TMCC1: variants seen among roughly 807,000 people sequenced by gnomAD.
TMCC1 encodes the protein transmembrane and coiled-coil domain family 1, also known as transmembrane and coiled-coil domains protein 1.
TMCC1 carries 15 observed loss-of-function variants against 52.4 expected under a neutral mutation model. The observed-to-expected ratio is 0.29, with a 90% CI of 0.19 to 0.44. The LOEUF (loss-of-function observed/expected upper bound fraction) is 0.44. TMCC1 is among the 20% of genes least tolerant of loss of function. The pLI, the probability that TMCC1 is intolerant of heterozygous loss-of-function variation, is 1.00. For missense variants in TMCC1, 503 were observed against 806.0 expected (o/e 0.62, Z 4.55); for synonymous variants, 279 against 301.9 (o/e 0.92, Z 0.79).
intron 4 of TMCC1, among the ~76,000 whole-genome samples, chr3:129,764,663 T>G (rs1051643863): frequency 6.6e-6 from 1 of 150,932 alleles, no homozygotes; most frequent in Non-Finnish European, 1.5e-5. Flanking sequence ...TATTCCTAAC[T>G]GTCAAATCAT....
intron 2 of TMCC1, among the ~76,000 whole-genome samples, chr3:129,853,346 T>C (rs189381080): frequency 1.0e-3 from 156 of 152,216 alleles, no homozygotes; most frequent in African/African-American, 3.3e-3. Flanking sequence ...ATAAAATGGC[T>C]GGGGATGATG....
In TMCC1 at chr3:129,658,651, GA is replaced by G. The variant is rs534906101; in HGVS notation, c.1512-3549del. Among the ~76,000 whole-genome samples the G allele has an allele frequency of 3.6e-4, 55 of 152,302 alleles. 1 individual carries two copies. The South Asian group carries it at 9.3e-3, about 26-fold the overall frequency. On this transcript the variant is annotated intron_variant, in intron 5 of 6. Coordinates refer to ENST00000393238, the MANE Select transcript of TMCC1 (RefSeq NM_001017395.5). ...GCATGCTTATCTTTACAAATAACAT[GA>G]GGCAAGAAAGAGGTGAAACAGCAGA...
chr3:129,883,475 A>G (rs1453894080), intron 1 of TMCC1, among the ~76,000 whole-genome samples: 1 of 152,166 alleles, frequency 6.6e-6, no homozygotes, highest in Non-Finnish European at 1.5e-5. Context: ...TTTGCCAGGA[A>G]TGGTGACAGG....
chr3:129,892,813 C>G (rs1186169263), intron 1 of TMCC1: 1 of 152,130 alleles, frequency 6.6e-6, no homozygotes, highest in Non-Finnish European at 1.5e-5. Flanking sequence ...AGCAGAGATT[C>G]GCAAGCTATA....
chr3:129,888,531 T>C (rs1255860915), intron 1 of TMCC1, among the ~76,000 whole-genome samples: 4 of 152,112 alleles, frequency 2.6e-5, no homozygotes, highest in Non-Finnish European at 5.9e-5. Flanking sequence ...AGATGAACCT[T>C]AAGAGCATCT....
chr3:129,813,738 C>T (rs1007123831), intron 4 of TMCC1, among the ~76,000 whole-genome samples: 1 of 151,698 alleles, frequency 6.6e-6, no homozygotes. Context: ...ACAACAAACC[C>T]CCGCAACATG....
At chr3:129,779,080 A>G (rs2055299250) in intron 4 of TMCC1, among the ~76,000 whole-genome samples, 2 of 152,110 alleles carry the variant, frequency 1.3e-5, no homozygotes, top group Non-Finnish European at 2.9e-5. Flanking sequence ...GAATTCCATG[A>G]ATTACAGCAC....
intron 4 of TMCC1, among the ~76,000 whole-genome samples, chr3:129,802,269 G>C (rs2057239561): frequency 6.6e-6 from 1 of 152,158 alleles, no homozygotes; most frequent in South Asian, 2.1e-4. Context: ...TCTTACTCAA[G>C]TCCAAAATAT....
At chr3:129,853,012 C>T (rs138658825) in intron 2 of TMCC1, among the ~76,000 whole-genome samples, 1 of 152,132 alleles carries the variant, frequency 6.6e-6, no homozygotes, top group African/African-American at 2.4e-5. Context: ...TTTGCCAACA[C>T]ACAAGAAACA....
chr3:129,785,420 T>C (rs1046685369), intron 4 of TMCC1, among the ~76,000 whole-genome samples: 1 of 152,154 alleles, frequency 6.6e-6, no homozygotes, highest in Non-Finnish European at 1.5e-5. Context: ...CAGTGATCAA[T>C]AGCATTTCAT....
chr3:129,825,621 TTCAACAACAGTTGAA>T (rs368001048), intron 4 of TMCC1, among the ~76,000 whole-genome samples: 201 of 152,272 alleles, frequency 1.3e-3, no homozygotes, highest in Non-Finnish European at 2.1e-3. Flanking sequence ...TATCAACACA[TTCAACAACAGTTGAA>T]TCAACAACAG....
At chr3:129,763,542 C>CAAA (rs11354197) in intron 4 of TMCC1, among the ~76,000 whole-genome samples, 36 of 44,644 alleles carry the variant, frequency 8.1e-4, no homozygotes, top group Non-Finnish European at 1.0e-3. Flanking sequence ...GACCCTGTCT[C>CAAA]AAAAAAAAAA....
chr3:129,760,495 T>TGTGTG (rs370985390), intron 4 of TMCC1, among the ~76,000 whole-genome samples: 144 of 144,544 alleles, frequency 1.0e-3, no homozygotes, highest in South Asian at 2.4e-3. Context: ...TGTGTGTGTG[T>TGTGTG]TTTTGAGACA....
intron 4 of TMCC1, among the ~76,000 whole-genome samples, chr3:129,819,246 C>T (rs896383528): frequency 2.0e-5 from 3 of 152,008 alleles, no homozygotes; most frequent in African/African-American, 7.3e-5. Flanking sequence ...CCATGCCAGG[C>T]TAATTTTTTT....
At chr3:129,731,797 T>C (rs575500166) in intron 4 of TMCC1, among the ~76,000 whole-genome samples, 67 of 151,830 alleles carry the variant, frequency 4.4e-4, no homozygotes, top group African/African-American at 1.6e-3. Flanking sequence ...GTTTTTCGTA[T>C]TTTTTTTGGT....
At chr3:129,790,620 A>G (rs763761896) in intron 4 of TMCC1, among the ~76,000 whole-genome samples, 7 of 152,210 alleles carry the variant, frequency 4.6e-5, no homozygotes, top group Admixed American at 2.0e-4. Flanking sequence ...TTTGGGAAAT[A>G]GTTTCCTCTG....
At chr3:129,860,846 C>G (rs1385416986) in intron 2 of TMCC1, 1 of 152,206 alleles carries the variant, frequency 6.6e-6, no homozygotes, top group Non-Finnish European at 1.5e-5. Context: ...GATCTGCCCA[C>G]CTTGACCTTC....
intron 4 of TMCC1, among the ~76,000 whole-genome samples, chr3:129,723,870 C>T (rs150588036): frequency 6.6e-6 from 1 of 151,512 alleles, no homozygotes; most frequent in Non-Finnish European, 1.5e-5. Flanking sequence ...CCAGCCCCCA[C>T]TTAAAGCTGC....
intron 2 of TMCC1, among the ~76,000 whole-genome samples, chr3:129,839,578 G>A (rs1288067625): frequency 6.6e-6 from 1 of 152,052 alleles, no homozygotes; most frequent in Non-Finnish European, 1.5e-5. Flanking sequence ...AACACGGCAA[G>A]ACCTCTTCTC....
Sources: gnomAD v4.1 joint callset for allele counts (sites outside exome capture counted in the v4.1 genomes callset) on GRCh38, gnomAD v4.1.1 for gene constraint, MANE v1.5 for transcripts, NCBI Gene and HGNC (gene_info 2026-07-23, HGNC 2026-07-21) for gene names.